Variants in NCAPD2 observed in about 807,000 individuals in gnomAD.
NCAPD2 encodes condensin complex subunit 1.
In NCAPD2, 100 loss-of-function variants were observed where a neutral mutation model predicts 164.5. That is an observed-to-expected ratio of 0.61 (90% CI 0.52 to 0.72). The LOEUF is 0.72. NCAPD2 is among the 30% of genes least tolerant of loss of function. The probability of loss-of-function intolerance (pLI) is 0.00; values close to 1 mark genes in which losing one functional copy is unlikely to be tolerated. For missense variants in NCAPD2, 1,560 were observed against 1,749.2 expected, an observed-to-expected ratio of 0.89 and a Z score of 1.93; for synonymous variants, 585 against 642.6, an observed-to-expected ratio of 0.91 and a Z score of 1.36.
chr12:6,510,144 G>A lies in NCAPD2; in HGVS notation c.262+11G>A. 1 of 1,601,370 alleles carries A rather than the reference G, an allele frequency of 6.2e-7. No homozygotes were observed. The highest frequency in any genetic ancestry group is 1.1e-5 in the South Asian group (1 of 90,790). The stretch of plus-strand genomic sequence containing the variant: ...AATTCCTGATAAAAGGTGTTTATGG[G>A]TCAGGGGGTAGGGGATGGAAGGTGT... On this transcript the variant is annotated intron_variant, in intron 4 of 31. Transcript: ENST00000315579.
intron 14 of NCAPD2, 149 bp from the exon 15 acceptor site, chr12:6,521,649 A>T: frequency 1.0e-6 from 1 of 991,980 alleles, no homozygotes; most frequent in Non-Finnish European, 1.5e-6. Flanking sequence ...GATCATTGCC[A>T]CTGCACAGCC....
At chr12:6,510,925 G>A (rs2137046740) in intron 5 of NCAPD2, 115 bp downstream of exon 5, 3 of 1,380,204 alleles carry the variant, frequency 2.2e-6, no homozygotes, top group South Asian at 2.8e-5. Flanking sequence ...GAGAATTTAG[G>A]AGAAAGAACT....
chr12:6,516,089 G>A (rs763385324), intron 9 of NCAPD2, among the ~76,000 whole-genome samples: 24 of 151,766 alleles, frequency 1.6e-4, no homozygotes, highest in Admixed American at 4.6e-4. Context: ...CTAGCTACTC[G>A]GGAGGCTGAA....
At position 6,526,293 on chromosome 12, in the gene NCAPD2, C is replaced by G. The variant is rs562898088; in HGVS notation, c.2488C>G (p.Leu830Val). 197 of 1,614,210 alleles carry G rather than the reference C, an allele frequency of 1.2e-4. 4 individuals carry two copies. In the South Asian group the frequency reaches 2.1e-3, roughly 17 times the overall value. ...ANISDRRKPS[L>V]GKRHPPFRLP... ...GTTGTCTTGCTCTCCACAGCCTTCT[C>G]TGGGCAAACGTCACCCCCCCTTCCG... The change falls in exon 20 of 32, where the codon CTG becomes GTG. Residue 830 changes from leucine (L) to valine (V), a missense_variant. Leu to Val is a conservative substitution (Grantham distance 32). Coordinates refer to ENST00000315579, the MANE Select transcript of NCAPD2 (RefSeq NM_014865.4).
At chr12:6,494,438 T>C (rs1193801023) in intron 1 of NCAPD2, among the ~76,000 whole-genome samples, 1 of 152,256 alleles carries the variant, frequency 6.6e-6, no homozygotes, top group Non-Finnish European at 1.5e-5. Context: ...AACTCATTTG[T>C]ATTATTATGC....
chr12:6,528,460 G>C lies in NCAPD2; in HGVS notation c.3299+132G>C. 1 of 1,317,832 alleles carries C rather than the reference G, an allele frequency of 7.6e-7. No individual in the cohort carries two copies. The highest frequency in any genetic ancestry group is 1.1e-6 in the Non-Finnish European group (1 of 947,202). The allele number at this position is 1,317,832 out of a possible 1,614,324, so 81.6% of individuals were successfully genotyped here. On this transcript the variant is annotated intron_variant, in intron 25 of 31. Transcript: ENST00000315579. This position sits in a 1 kb window ranked among gnomAD's most constrained non-coding sequence, Gnocchi z 5.1. ...CGAACATCTGCTTGATACTTGACCT[G>C]TACAGGCCCCTGGCTAAGAGTCACC...
chr12:6,501,121 C>T (rs867244099), intron 2 of NCAPD2, among the ~76,000 whole-genome samples: 4 of 143,386 alleles, frequency 2.8e-5, no homozygotes, highest in African/African-American at 1.0e-4. Context: ...CGTGCAGTGG[C>T]GTGATCTTGG....
Position 6,531,264 on chromosome 12 carries a change from A to T in NCAPD2, c.4121-63A>T. ...GTGGGATTGTCTCACTTGTTCTCTG[A>T]TATCTATTTTTTCACCATCTTTGTG... On this transcript the variant is annotated intron_variant, in intron 31 of 31. Transcript: ENST00000315579. This position sits in a 1 kb window ranked among gnomAD's most constrained non-coding sequence, Gnocchi z 4.1. 1.3e-6 allele frequency: 2 copies of T among 1,543,058 alleles called. No homozygotes were observed. The highest frequency in any genetic ancestry group is 1.1e-5 in the South Asian group (1 of 88,410).
In NCAPD2 at chr12:6,531,281, ATCTTT is replaced by A; in HGVS notation, c.4121-45_4121-41del. The A allele has an allele frequency of 2.5e-6, 4 of 1,578,140 alleles. No homozygotes were observed. The highest frequency in any genetic ancestry group is 3.5e-6 in the Non-Finnish European group (4 of 1,152,350). Reference sequence around the variant, plus strand: ...GTTCTCTGATATCTATTTTTTCACCATCTTTGTGACTCAGCTTTTTCTTATTCCTT... The same window carrying A: ...GTTCTCTGATATCTATTTTTTCACCAGTGACTCAGCTTTTTCTTATTCCTT... On this transcript the variant is annotated intron_variant, in intron 31 of 31. Transcript: ENST00000315579. This position sits in a 1 kb window ranked among gnomAD's most constrained non-coding sequence, Gnocchi z 4.1.
intron 13 of NCAPD2, among the ~76,000 whole-genome samples, chr12:6,518,504 G>GTTTTTGTTTGTTTTTTTTT (rs746627585): frequency 2.2e-5 from 1 of 44,774 alleles, no homozygotes; most frequent in African/African-American, 1.0e-4. Flanking sequence ...CCGTCAACAA[G>GTTTTTGTTTGTTTTTTTTT]TTTTTTTTTT....
At position 6,523,270 on chromosome 12, in the gene NCAPD2, C is replaced by T. The variant is rs756041204; in HGVS notation, c.2138C>T (p.Ala713Val). 1.2e-6 allele frequency: 2 copies of T among 1,614,098 alleles called. No homozygotes were observed. Among genetic ancestry groups the T allele is most frequent in the South Asian group, 2.2e-5 (2 of 91,082 alleles). ...NPKGDSARAK[A>V]QALIQNLSLL... ...CTCTGCTGTTCCCACAGAGCCAAGG[C>T]CCAGGCTTTGATTCAGAATCTCTCT... The change falls in exon 17 of 32, where the codon GCC becomes GTC. Residue 713 changes from alanine to valine, a missense_variant. By Grantham distance (64) the Ala-to-Val change is moderately conservative. Transcript: ENST00000315579.
At chr12:6,502,319 A>G (rs547061624) in intron 2 of NCAPD2, among the ~76,000 whole-genome samples, 1 of 152,316 alleles carries the variant, frequency 6.6e-6, no homozygotes, top group South Asian at 2.1e-4. Flanking sequence ...TGTTTCCTCA[A>G]TAGGAAGGGA....
At chr12:6,517,092 G>C (rs1946209411) in intron 10 of NCAPD2, 67 bp downstream of exon 10, 2 of 1,545,774 alleles carry the variant, frequency 1.3e-6, no homozygotes, top group Non-Finnish European at 1.8e-6. Flanking sequence ...GAGGAATCCA[G>C]TGTTGAAGAT....
chr12:6,527,739 C>T (rs368777638), intron 22 of NCAPD2, 38 bp from the exon 23 acceptor site: 23 of 1,564,834 alleles, frequency 1.5e-5, no homozygotes, highest in Non-Finnish European at 2.0e-5. Context: ...AAAATGTTGT[C>T]TCTGCTTATC....
chr12:6,522,456 C>T (rs1453363560), intron 15 of NCAPD2, among the ~76,000 whole-genome samples: 1 of 152,008 alleles, frequency 6.6e-6, no homozygotes, highest in Non-Finnish European at 1.5e-5. Context: ...CGTGATGGCA[C>T]GCACCTGTAG....
chr12:6,522,100 A>T, intron 15 of NCAPD2, 63 bp downstream of exon 15: 1 of 1,548,804 alleles, frequency 6.5e-7, no homozygotes, highest in South Asian at 1.2e-5. Flanking sequence ...TTAATTTTTT[A>T]AATTTTTATT....
chr12:6,514,232 T>A, intron 6 of NCAPD2, 33 bp from the exon 7 acceptor site: 1 of 1,613,946 alleles, frequency 6.2e-7, no homozygotes, highest in Non-Finnish European at 8.5e-7. Context: ...TTCAGACAGC[T>A]GCTTTCATCA....
At chr12:6,506,657 A>G (rs1349564971) in intron 2 of NCAPD2, among the ~76,000 whole-genome samples, 4 of 151,970 alleles carry the variant, frequency 2.6e-5, no homozygotes, top group Non-Finnish European at 5.9e-5. Flanking sequence ...ATCTACATAA[A>G]TTTTATGCGT....
rs776255958 is a variant in NCAPD2 at position 6,517,358 on chromosome 12, TA to T, written c.1186-6del. The T allele has an allele frequency of 9.3e-5, 150 of 1,613,658 alleles. No homozygotes were observed. In the East Asian group the frequency reaches 3.3e-3, roughly 36 times the overall value. Reference sequence around the variant, plus strand: ...TGAGCAGATTCTTCTCTTCCTACCCTACACAGGCTCTCCCCCTGACACGTTT... The same window carrying T: ...TGAGCAGATTCTTCTCTTCCTACCCTCACAGGCTCTCCCCCTGACACGTTT... On this transcript the variant is annotated splice_region_variant and splice_polypyrimidine_tract_variant and intron_variant, in intron 10 of 31. Coordinates refer to ENST00000315579, the MANE Select transcript of NCAPD2 (RefSeq NM_014865.4).
Sources: gnomAD v4.1 joint callset for allele counts (sites outside exome capture counted in the v4.1 genomes callset) on GRCh38, gnomAD v4.1.1 for gene constraint, Gnocchi (gnomAD v3.1) non-coding constraint, MANE v1.5 for transcripts, NCBI Gene and HGNC (gene_info 2026-07-23, HGNC 2026-07-21) for gene names.